The following TARBP1 variants were observed in gnomAD, a reference collection of about 807,000 sequenced individuals.
TARBP1 encodes tRNA (guanosine(18)-2'-O)-methyltransferase TARBP1.
TARBP1 carries 144 observed loss-of-function variants against 178.6 expected under a neutral mutation model. That is an observed-to-expected ratio of 0.81 (90% confidence interval 0.70 to 0.93). The LOEUF is 0.93. TARBP1 is among the 40% of genes least tolerant of loss of function. The probability of loss-of-function intolerance (pLI) is 0.00; values close to 1 mark genes in which losing one functional copy is unlikely to be tolerated. For synonymous variants in TARBP1, 787 were observed against 781.0 expected (o/e 1.01, Z -0.13); for missense variants, 2,067 against 2,011.7 (o/e 1.03, Z -0.53).
chr1:234,467,093 T>C (rs1668522256), intron 4 of TARBP1, among the ~76,000 whole-genome samples: 1 of 152,240 alleles, frequency 6.6e-6, no homozygotes, highest in South Asian at 2.1e-4. Context: ...CCCTATTTCA[T>C]ATAGTAGACA....
chr1:234,463,566 A>G (rs1668124103), intron 6 of TARBP1, among the ~76,000 whole-genome samples: 1 of 152,220 alleles, frequency 6.6e-6, no homozygotes, highest in Admixed American at 6.5e-5. Flanking sequence ...TGAATAGTAG[A>G]CAATTAGAAA....
chr1:234,427,203 A>T, intron 19 of TARBP1, 114 bp downstream of exon 19: 1 of 661,744 alleles, frequency 1.5e-6, no homozygotes, highest in Non-Finnish European at 2.5e-6. Flanking sequence ...ATCCCATCTT[A>T]TTAATATATT....
At chr1:234,419,658 C>T (rs942056691) in intron 21 of TARBP1, among the ~76,000 whole-genome samples, 30 of 152,082 alleles carry the variant, frequency 2.0e-4, no homozygotes, top group Non-Finnish European at 3.5e-4. Flanking sequence ...AAAATGCTCT[C>T]GGTAATCTAG....
Sources: allele counts gnomAD v4.1 joint callset (sites outside exome capture counted in the v4.1 genomes callset), GRCh38; gene constraint gnomAD v4.1.1; transcripts MANE v1.5; gene names NCBI Gene and HGNC (gene_info 2026-07-23, HGNC 2026-07-21).